The following CFAP47 variants were observed in gnomAD, a reference collection of about 807,000 sequenced individuals.
CFAP47 encodes cilia and flagella associated protein 47, also known as cilia- and flagella-associated protein 47.
A neutral mutation model predicts 148.1 loss-of-function variants in CFAP47; 29 were observed. That is an observed-to-expected ratio of 0.20 (90% CI 0.15 to 0.27). The LOEUF is 0.27. CFAP47 is among the 10% of genes least tolerant of loss of function. The probability of loss-of-function intolerance (pLI) is 1.00; values close to 1 mark genes in which losing one functional copy is unlikely to be tolerated. For missense variants in CFAP47, 1,872 were observed against 1,697.5 expected, an observed-to-expected ratio of 1.10 and a Z score of -1.81; for synonymous variants, 664 against 577.3, an observed-to-expected ratio of 1.15 and a Z score of -2.15.
intron 50 of CFAP47, among the ~76,000 whole-genome samples, chrX:36,281,756 C>T (rs1240766237): frequency 2.7e-5 from 3 of 112,169 alleles, no homozygotes; most frequent in African/African-American, 9.7e-5. Flanking sequence ...TGAAATTAAG[C>T]ATCACAGAAT....
At chrX:35,940,682 G>A (rs1187461129) in intron 2 of CFAP47, among the ~76,000 whole-genome samples, 4 of 111,170 alleles carry the variant, frequency 3.6e-5, no homozygotes, top group African/African-American at 6.5e-5. Context: ...CTCTCTGTGC[G>A]AAGTGTGGAG....
intron 3 of CFAP47, among the ~76,000 whole-genome samples, chrX:35,943,082 C>G (rs2336391): frequency 0.29 from 32,032 of 110,339 alleles, 5,339 homozygotes; most frequent in African/African-American, 0.63. Context: ...AAAATTGATA[C>G]TGTATATTAC....
chrX:36,057,650 G>A lies in CFAP47; in HGVS notation c.4218-7993G>A, dbSNP rs1052612960. Among the ~76,000 whole-genome samples the A allele has an allele frequency of 3.1e-4, 34 of 110,869 alleles. 2 individuals carry two copies. Among genetic ancestry groups the A allele is most frequent in the East Asian group, 2.8e-4 (1 of 3,527 alleles). Reference sequence around the variant, plus strand: ...ACCTTCTAAGTCAATTTATTGAAACGGGCATGCAAATTCATTATGTTTTAT... The same window carrying A: ...ACCTTCTAAGTCAATTTATTGAAACAGGCATGCAAATTCATTATGTTTTAT... On this transcript the variant is annotated intron_variant, in intron 26 of 63. Transcript: ENST00000378653.
At chrX:36,030,920 T>C (rs2146718660) in intron 22 of CFAP47, among the ~76,000 whole-genome samples, 1 of 110,576 alleles carries the variant, frequency 9.0e-6, no homozygotes, top group South Asian at 3.8e-4. Flanking sequence ...CACTTCTGTG[T>C]TGTTCAAACT....
At chrX:36,346,031 T>TA (rs1941694646) in intron 57 of CFAP47, among the ~76,000 whole-genome samples, 1 of 111,718 alleles carries the variant, frequency 9.0e-6, no homozygotes, top group African/African-American at 3.3e-5. Flanking sequence ...TACAACAGAA[T>TA]AAAAAATGAG....
intron 27 of CFAP47, among the ~76,000 whole-genome samples, chrX:36,068,728 C>G (rs1264144709): frequency 9.3e-6 from 1 of 107,987 alleles, no homozygotes; most frequent in Non-Finnish European, 1.9e-5. Flanking sequence ...GAGGCTGAAG[C>G]AGGCAGATCA....
chrX:36,149,613 T>A (rs866140057), intron 37 of CFAP47, among the ~76,000 whole-genome samples: 1 of 51,746 alleles, frequency 1.9e-5, no homozygotes. Context: ...TATTTATTTA[T>A]TTTATTTTTT....
At chrX:36,339,558 A>T (rs1556015415) in intron 57 of CFAP47, among the ~76,000 whole-genome samples, 1 of 111,692 alleles carries the variant, frequency 9.0e-6, no homozygotes, top group Non-Finnish European at 1.9e-5. Context: ...GCATTAAGAG[A>T]TTCTAAACAC....
chrX:36,323,877 C>T (rs1449836497), intron 57 of CFAP47, among the ~76,000 whole-genome samples: 4 of 111,096 alleles, frequency 3.6e-5, no homozygotes, highest in African/African-American at 1.3e-4. Context: ...GGTTCACAGC[C>T]CTTTTATTCC....
At position 36,287,356 on chromosome X, in the gene CFAP47, T is replaced by A. The variant is rs147905473; in HGVS notation, c.7686+1630T>A. 5.8e-3 allele frequency among the ~76,000 whole-genome samples: 646 copies of A among 111,570 alleles called. 4 individuals are homozygous for A. Among genetic ancestry groups the A allele is most frequent in the African/African-American group, 0.02 (620 of 30,775 alleles). On this transcript the variant is annotated intron_variant, in intron 51 of 63. Transcript: ENST00000378653. ...CTATAAGTTTTCAATTTAAACCTCT[T>A]TTTGTTTTGGCACCACAGTGGGATA...
chrX:36,348,753 AG>A (rs1421887434), intron 58 of CFAP47, among the ~76,000 whole-genome samples: 2 of 111,652 alleles, frequency 1.8e-5, no homozygotes, highest in Non-Finnish European at 3.8e-5. Flanking sequence ...CCATGGCTAG[AG>A]GTATTCTGCC....
At chrX:35,992,491 G>GT (rs754024574) in intron 17 of CFAP47, among the ~76,000 whole-genome samples, 85 of 110,729 alleles carry the variant, frequency 7.7e-4, no homozygotes, top group African/African-American at 2.6e-3. Context: ...ACATTAATGT[G>GT]TTTTTTTCTG....
intron 48 of CFAP47, among the ~76,000 whole-genome samples, chrX:36,242,863 A>G (rs1281380135): frequency 9.0e-6 from 1 of 111,636 alleles, no homozygotes; most frequent in Non-Finnish European, 1.9e-5. Context: ...CAACTATCCC[A>G]AAGGCACATG....
At chrX:36,040,159 A>C (rs1235198495) in intron 25 of CFAP47, among the ~76,000 whole-genome samples, 1 of 111,832 alleles carries the variant, frequency 8.9e-6, no homozygotes, top group African/African-American at 3.2e-5. Context: ...AGCATAACCA[A>C]AATAAAGCTG....
At chrX:35,950,446 G>A (rs1601894686) in intron 4 of CFAP47, among the ~76,000 whole-genome samples, 1 of 111,742 alleles carries the variant, frequency 8.9e-6, no homozygotes, top group South Asian at 3.7e-4. Flanking sequence ...GCTTACTGCA[G>A]CCATGACCTC....
rs545252708 is a variant in CFAP47, at chrX:35,999,327, G to A, written c.3178-956G>A. Among the ~76,000 whole-genome samples, 44 of 111,852 alleles carry A rather than the reference G, an allele frequency of 3.9e-4. No individual in the cohort carries two copies. In the South Asian group the frequency reaches 0.016, roughly 40 times the overall value. ...TCTCGATCTCCTTTAAATGTTGTAT[G>A]TAATTCTATCACTAAGAAACTCCAT... On this transcript the variant is annotated intron_variant, in intron 19 of 63. Transcript: ENST00000378653.
rs187578371 is a variant in CFAP47, at chrX:36,060,200, G to A, written c.4218-5443G>A. ...ACAATGTCCATGTATTTCTGTGCAC[G>A]TGTGTGTGTGTGAACATATATATAT... On this transcript the variant is annotated intron_variant, in intron 26 of 63. Transcript: ENST00000378653. Among the ~76,000 whole-genome samples the A allele has an allele frequency of 2.4e-4, 27 of 111,077 alleles. No homozygotes were observed. In the East Asian group the frequency reaches 6.6e-3, roughly 27 times the overall value.
At chrX:36,332,904 T>A (rs1212676692) in intron 57 of CFAP47, among the ~76,000 whole-genome samples, 2 of 112,339 alleles carry the variant, frequency 1.8e-5, no homozygotes, top group Non-Finnish European at 3.8e-5. Flanking sequence ...CAAGCCCATA[T>A]GCAGCAAAGT....
intron 26 of CFAP47, among the ~76,000 whole-genome samples, chrX:36,063,117 CTT>C (rs1937607923): frequency 1.8e-5 from 2 of 111,649 alleles, no homozygotes; most frequent in Admixed American, 1.9e-4. Context: ...CTATTTAAAT[CTT>C]ATAATGGAAT....
Sources: gnomAD v4.1 joint callset for allele counts (sites outside exome capture counted in the v4.1 genomes callset) on GRCh38, gnomAD v4.1.1 for gene constraint, MANE v1.5 for transcripts, NCBI Gene and HGNC (gene_info 2026-07-23, HGNC 2026-07-21) for gene names.